CPEB3: variants seen among roughly 807,000 people sequenced by gnomAD.
The protein encoded by CPEB3 is cytoplasmic polyadenylation element-binding protein 3.
CPEB3 carries 20 observed loss-of-function variants against 67.2 expected under a neutral mutation model. The observed-to-expected ratio is 0.30, with a 90% CI of 0.21 to 0.43. CPEB3 has a LOEUF of 0.43. CPEB3 is among the 20% of genes least tolerant of loss of function. The probability of loss-of-function intolerance (pLI) is 1.00; values close to 1 mark genes in which losing one functional copy is unlikely to be tolerated. For missense variants in CPEB3, 746 were observed against 968.6 expected (o/e 0.77, Z 3.05); for synonymous variants, 376 against 393.1 (o/e 0.96, Z 0.51).
chr10:92,199,095 A>G (rs1473755219), intron 2 of CPEB3, among the ~76,000 whole-genome samples: 8 of 152,246 alleles, frequency 5.3e-5, no homozygotes, highest in Non-Finnish European at 4.4e-5. Context: ...TCTAACACAT[A>G]AGAAACGATT....
chr10:92,244,172 C>T (rs996691664), intron 1 of CPEB3, among the ~76,000 whole-genome samples: 3 of 151,824 alleles, frequency 2.0e-5, no homozygotes, highest in African/African-American at 7.3e-5. Context: ...CATGGTGAAA[C>T]CCCATCTCTA....
intron 6 of CPEB3, among the ~76,000 whole-genome samples, chr10:92,121,176 T>C (rs1166421932): frequency 6.6e-6 from 1 of 151,488 alleles, no homozygotes; most frequent in Non-Finnish European, 1.5e-5. Context: ...ACCCAGCTAA[T>C]TTTTTGTATT....
chr10:92,283,412 A>G (rs1055224230), intron 1 of CPEB3, among the ~76,000 whole-genome samples: 10 of 152,198 alleles, frequency 6.6e-5, no homozygotes, highest in African/African-American at 1.9e-4. Context: ...GGGAGGATCT[A>G]TAATTCTCCC....
intron 2 of CPEB3, among the ~76,000 whole-genome samples, chr10:92,200,701 T>C (rs1849482743): frequency 6.6e-6 from 1 of 151,908 alleles, no homozygotes; most frequent in African/African-American, 2.4e-5. Context: ...GCTAAGGTTC[T>C]GGAGAAGTTA....
intron 7 of CPEB3, among the ~76,000 whole-genome samples, chr10:92,110,286 CAT>C (rs1346858621): frequency 6.6e-6 from 1 of 152,222 alleles, no homozygotes; most frequent in Non-Finnish European, 1.5e-5. Flanking sequence ...CACTCTGTGT[CAT>C]ATTTTTACTC....
At chr10:92,248,245 G>A (rs1852150303) in intron 1 of CPEB3, among the ~76,000 whole-genome samples, 1 of 152,162 alleles carries the variant, frequency 6.6e-6, no homozygotes, top group Non-Finnish European at 1.5e-5. Context: ...CAATGTAAGT[G>A]TTATGTAAAT....
At chr10:92,155,673 G>A (rs1847173666) in intron 4 of CPEB3, among the ~76,000 whole-genome samples, 1 of 152,068 alleles carries the variant, frequency 6.6e-6, no homozygotes, top group Non-Finnish European at 1.5e-5. Flanking sequence ...ACTTCTCTCT[G>A]TCTCTCTTCC....
chr10:92,160,587 T>C (rs1847425821), intron 4 of CPEB3, among the ~76,000 whole-genome samples: 1 of 152,186 alleles, frequency 6.6e-6, no homozygotes, highest in African/African-American at 2.4e-5. Context: ...AGAAAGGAAA[T>C]ACTCCATATT....
chr10:92,161,673 C>T (rs567156069), intron 4 of CPEB3, among the ~76,000 whole-genome samples: 3 of 152,004 alleles, frequency 2.0e-5, no homozygotes, highest in Admixed American at 6.6e-5. Context: ...TCCTATGTGC[C>T]GGGAACAGTT....
At chr10:92,186,333 T>G (rs1282884297) in intron 3 of CPEB3, among the ~76,000 whole-genome samples, 1 of 151,628 alleles carries the variant, frequency 6.6e-6, no homozygotes, top group East Asian at 1.9e-4. Flanking sequence ...ACGACTGCAG[T>G]GAGCTGAGAT....
intron 2 of CPEB3, among the ~76,000 whole-genome samples, chr10:92,236,130 A>G (rs1794231342): frequency 6.6e-6 from 1 of 152,218 alleles, no homozygotes; most frequent in African/African-American, 2.4e-5. Flanking sequence ...GCTGAGAGGT[A>G]CATCACCAAG....
intron 8 of CPEB3, among the ~76,000 whole-genome samples, 163 bp downstream of exon 8, chr10:92,091,667 G>A (rs1843625704): frequency 6.6e-6 from 1 of 152,128 alleles, no homozygotes; most frequent in African/African-American, 2.4e-5. Flanking sequence ...AGCATTTTGG[G>A]AGAAAACCTT....
At chr10:92,118,123 AGTTTT>A (rs546053410) in intron 6 of CPEB3, among the ~76,000 whole-genome samples, 24 of 152,072 alleles carry the variant, frequency 1.6e-4, no homozygotes, top group Admixed American at 1.2e-3. Flanking sequence ...ACCATTTGAC[AGTTTT>A]GTTTTGTTTT....
At chr10:92,071,904 C>T (rs1254293739) in intron 9 of CPEB3, among the ~76,000 whole-genome samples, 2 of 152,066 alleles carry the variant, frequency 1.3e-5, no homozygotes, top group Non-Finnish European at 2.9e-5. Flanking sequence ...TTTAGCAAAG[C>T]TTTTACATCT....
At chr10:92,137,234 G>A in intron 6 of CPEB3, 1 of 537,068 alleles carries the variant, frequency 1.9e-6, no homozygotes, top group South Asian at 2.2e-5. Flanking sequence ...GACTACATGG[G>A]TGCCTCCTGT....
At chr10:92,127,311 G>A (rs985604346) in intron 6 of CPEB3, among the ~76,000 whole-genome samples, 2 of 152,056 alleles carry the variant, frequency 1.3e-5, no homozygotes, top group African/African-American at 4.8e-5. Flanking sequence ...CGAGTAAGAG[G>A]AATACAGAAA....
At chr10:92,154,777 C>T (rs993607058) in intron 4 of CPEB3, among the ~76,000 whole-genome samples, 3 of 152,188 alleles carry the variant, frequency 2.0e-5, no homozygotes, top group African/African-American at 7.2e-5. Flanking sequence ...TTCCATTATC[C>T]AAATAGGTCC....
At chr10:92,139,775 C>A (rs1257898722) in intron 6 of CPEB3, among the ~76,000 whole-genome samples, 3 of 151,946 alleles carry the variant, frequency 2.0e-5, no homozygotes, top group Non-Finnish European at 4.4e-5. Flanking sequence ...ATACTGTATG[C>A]CTATATCAAA....
rs548739027 is a variant in CPEB3 at position 92,246,349 on chromosome 10, A to C, written c.-11-5988T>G. 2.0e-5 allele frequency among the ~76,000 whole-genome samples: 3 copies of C among 151,960 alleles called. No individual in the cohort carries two copies. In the East Asian group the frequency reaches 5.8e-4, roughly 29 times the overall value. On this transcript the variant is annotated intron_variant, in intron 1 of 9. Transcript: ENST00000265997. ...ACTCCGTCTCAAAAACAAAAAAAAA[A>C]ACGAAAAACAAAAAAATAAAATAAA...
Sources: gnomAD v4.1 joint callset for allele counts (sites outside exome capture counted in the v4.1 genomes callset) on GRCh38, gnomAD v4.1.1 for gene constraint, MANE v1.5 for transcripts, NCBI Gene and HGNC (gene_info 2026-07-23, HGNC 2026-07-21) for gene names.